The following TMEM87A variants were observed in gnomAD, a reference collection of about 807,000 sequenced individuals.
TMEM87A encodes the protein transmembrane protein 87A.
In TMEM87A, 50 loss-of-function variants were observed where a neutral mutation model predicts 90.0. The ratio of observed to expected loss-of-function variants is 0.56; its 90% CI spans 0.44 to 0.70. The LOEUF (loss-of-function observed/expected upper bound fraction) is 0.70. Ranked by LOEUF, TMEM87A falls within the 30% of genes least tolerant of loss-of-function variation. The pLI is 0.00. For missense variants in TMEM87A, 577 were observed against 660.5 expected (o/e 0.87, Z 1.39); for synonymous variants, 226 against 226.7 (o/e 1.00, Z 0.03).
chr15:42,250,101 T>C (rs1401882011), intron 6 of TMEM87A, among the ~76,000 whole-genome samples: 1 of 152,246 alleles, frequency 6.6e-6, no homozygotes, highest in Non-Finnish European at 1.5e-5. Flanking sequence ...GCTTTTTCTT[T>C]TGCTTTCCAT....
At chr15:42,253,095 A>G (rs917929895) in intron 6 of TMEM87A, among the ~76,000 whole-genome samples, 2 of 152,228 alleles carry the variant, frequency 1.3e-5, no homozygotes, top group East Asian at 3.8e-4. Context: ...CTTAAACACC[A>G]GGAGCCAAAG....
At chr15:42,233,983 T>C (rs1286732252) in intron 10 of TMEM87A, among the ~76,000 whole-genome samples, 1 of 151,558 alleles carries the variant, frequency 6.6e-6, no homozygotes, top group Non-Finnish European at 1.5e-5. Flanking sequence ...GGTCTCACCG[T>C]GTTGCCCAGG....
In TMEM87A at chr15:42,220,079, A is replaced by T; in HGVS notation, c.1460T>A (p.Met487Lys). The change falls in exon 16 of 20, where the codon ATG becomes AAG. Residue 487 changes from methionine (M) to lysine (K), a missense_variant. Met to Lys is a moderately conservative substitution (Grantham distance 95). Coordinates refer to ENST00000389834, the MANE Select transcript of TMEM87A (RefSeq NM_015497.5). ...EEEEDEQKEP[M>K]LKESFEGMKM... ...ATTATTACCAAAGCTTTCTTTCAGC[A>T]TAGGCTCCTTTTGTTCATCCTCCTC... is the stretch of plus-strand genomic sequence containing the variant. 1 of 1,606,144 alleles carries T rather than the reference A, an allele frequency of 6.2e-7. No individual in the cohort carries two copies. Among genetic ancestry groups the T allele is most frequent in the Non-Finnish European group, 8.5e-7 (1 of 1,177,764 alleles).
chr15:42,222,122 G>A (rs184313300), intron 15 of TMEM87A, among the ~76,000 whole-genome samples: 62 of 152,002 alleles, frequency 4.1e-4, no homozygotes, highest in African/African-American at 1.4e-3. Flanking sequence ...GTGCAATGGC[G>A]CGATCTCAGC....
chr15:42,268,753 G>T (rs112013178), intron 2 of TMEM87A, among the ~76,000 whole-genome samples: 1 of 152,132 alleles, frequency 6.6e-6, no homozygotes, highest in Non-Finnish European at 1.5e-5. Context: ...AGAGGGAAAC[G>T]AGTGGAAACA....
At position 42,244,086 on chromosome 15, in the gene TMEM87A, A is replaced by G; in HGVS notation, c.586T>C (p.Ser196Pro). ...VHIGISSSKE[S>P]SKENSLSNLF... is the part of the protein sequence containing the mutation. The stretch of plus-strand genomic sequence containing the variant: ...TTACTCAGTGAATTTTCTTTTGATG[A>G]TTCCTTTGAGGATGAAATGCCAATA... The change falls in exon 7 of 20, where the codon TCA (serine) becomes CCA (proline). Residue 196 changes from serine to proline, a missense_variant. By Grantham distance (74) the Ser-to-Pro change is moderately conservative (BLOSUM62 -1). Transcript: ENST00000389834. 1 of 1,574,402 alleles carries G rather than the reference A, an allele frequency of 6.4e-7. No homozygotes were observed. The highest frequency in any genetic ancestry group is 8.6e-7 in the Non-Finnish European group (1 of 1,168,186).
chr15:42,250,412 T>C (rs1373016518), intron 6 of TMEM87A, among the ~76,000 whole-genome samples: 1 of 152,230 alleles, frequency 6.6e-6, no homozygotes, highest in Non-Finnish European at 1.5e-5. Flanking sequence ...TACTGGTTGT[T>C]CCTTTCCACG....
chr15:42,258,966 G>C (rs895242301), intron 6 of TMEM87A: 1 of 991,508 alleles, frequency 1.0e-6, no homozygotes, highest in African/African-American at 1.6e-5. Flanking sequence ...TCCAAGAAAT[G>C]TTTCTTCAAG....
chr15:42,269,613 C>T (rs894532019), intron 2 of TMEM87A, among the ~76,000 whole-genome samples: 1 of 152,090 alleles, frequency 6.6e-6, no homozygotes, highest in Non-Finnish European at 1.5e-5. Flanking sequence ...TGTTACAAGA[C>T]AATATTTAGA....
intron 6 of TMEM87A, among the ~76,000 whole-genome samples, chr15:42,251,248 C>T (rs1020722461): frequency 6.6e-5 from 10 of 152,168 alleles, no homozygotes; most frequent in African/African-American, 1.7e-4. Flanking sequence ...TCTGTCAACT[C>T]GTCAAATTCA....
intron 6 of TMEM87A, among the ~76,000 whole-genome samples, chr15:42,248,646 G>A (rs1310367843): frequency 1.3e-5 from 2 of 152,162 alleles, no homozygotes; most frequent in African/African-American, 4.8e-5. Flanking sequence ...CTTGATCTTG[G>A]TGGACATGCT....
At chr15:42,246,626 T>A (rs1303512817) in intron 6 of TMEM87A, among the ~76,000 whole-genome samples, 2 of 152,224 alleles carry the variant, frequency 1.3e-5, no homozygotes, top group Non-Finnish European at 2.9e-5. Flanking sequence ...CATGAACTCA[T>A]CCTTTTTTAT....
At chr15:42,264,699 A>ATATATATATATATATTT (rs10681614) in intron 3 of TMEM87A, among the ~76,000 whole-genome samples, 1,419 of 109,260 alleles carry the variant, frequency 0.013, 31 homozygotes, top group African/African-American at 0.041. Flanking sequence ...ATATATATAT[A>ATATATATATATATATTT]TTTTTTTTTT....
In TMEM87A at chr15:42,219,398, T is replaced by C. The variant is rs1007881571; in HGVS notation, c.1539+183A>G. 5.3e-5 allele frequency among the ~76,000 whole-genome samples: 8 copies of C among 152,192 alleles called. 1 individual carries two copies. The highest frequency in any genetic ancestry group is 4.6e-4 in the Admixed American group (7 of 15,284). ...TTTCCTTTGCTGGGCAGAAGCTTTATAGTTTGATGTACTCTCACTTCTCTA... is the reference window on the plus strand; with the variant it reads ...TTTCCTTTGCTGGGCAGAAGCTTTACAGTTTGATGTACTCTCACTTCTCTA... On this transcript the variant is annotated intron_variant, in intron 17 of 19. Coordinates refer to ENST00000389834, the MANE Select transcript of TMEM87A (RefSeq NM_015497.5).
At chr15:42,266,515 C>A (rs1162483699) in intron 3 of TMEM87A, among the ~76,000 whole-genome samples, 137 of 141,630 alleles carry the variant, frequency 9.7e-4, no homozygotes, top group Non-Finnish European at 9.9e-4. Flanking sequence ...GACTCCATCT[C>A]AAAAAAAAAA....
chr15:42,238,769 AAAG>A (rs1344487568), intron 8 of TMEM87A, among the ~76,000 whole-genome samples: 5 of 64,524 alleles, frequency 7.7e-5, no homozygotes, highest in South Asian at 4.5e-4. Context: ...TTTTTTTTTT[AAAG>A]AAGGAGCTAT....
At chr15:42,270,835 T>C (rs930443391) in intron 2 of TMEM87A, among the ~76,000 whole-genome samples, 4 of 152,194 alleles carry the variant, frequency 2.6e-5, no homozygotes, top group Non-Finnish European at 5.9e-5. Flanking sequence ...GGATACAGTA[T>C]ATATTCTTCA....
chr15:42,224,253 T>A (rs1379499450), intron 15 of TMEM87A, among the ~76,000 whole-genome samples: 1 of 152,204 alleles, frequency 6.6e-6, no homozygotes, highest in African/African-American at 2.4e-5. Flanking sequence ...AGAGACAGTA[T>A]GTGATTGAGC....
chr15:42,220,236 G>A (rs1006765360), intron 15 of TMEM87A, 101 bp from the exon 16 acceptor site: 5 of 797,876 alleles, frequency 6.3e-6, no homozygotes, highest in Non-Finnish European at 1.0e-5. Context: ...TGCAATTATA[G>A]TAATTCATTA....
Sources: allele counts gnomAD v4.1 joint callset (sites outside exome capture counted in the v4.1 genomes callset), GRCh38; gene constraint gnomAD v4.1.1; transcripts MANE v1.5; gene names NCBI Gene and HGNC (gene_info 2026-07-23, HGNC 2026-07-21).